The following TARBP1 variants were observed in gnomAD, a reference collection of about 807,000 sequenced individuals.
The protein encoded by TARBP1 is tRNA (guanosine(18)-2'-O)-methyltransferase TARBP1.
In TARBP1, 144 loss-of-function variants were observed where a neutral mutation model predicts 178.6. The ratio of observed to expected loss-of-function variants is 0.81; its 90% CI spans 0.70 to 0.93. The LOEUF is 0.93. Among genes scored for constraint, TARBP1 ranks in the 40% least tolerant of loss-of-function variants. The pLI is 0.00. For missense variants in TARBP1, 2,067 were observed against 2,011.7 expected (o/e 1.03, Z -0.53); for synonymous variants, 787 against 781.0 (o/e 1.01, Z -0.13).
rs148144555 is a variant in TARBP1 at position 234,414,148 on chromosome 1, G to A, written c.3706-3617C>T. 2.6e-5 allele frequency among the ~76,000 whole-genome samples: 4 copies of A among 152,286 alleles called. No individual in the cohort carries two copies. The East Asian group carries it at 5.8e-4, about 22-fold the overall frequency. On this transcript the variant is annotated intron_variant, in intron 22 of 29. Coordinates refer to ENST00000040877, the MANE Select transcript of TARBP1 (RefSeq NM_005646.4). ...ACAAAAACATGGCTTTGTGGGCCAC[G>A]CAGTCTCTGCTGCAACTGTTCAACT...
intron 6 of TARBP1, among the ~76,000 whole-genome samples, chr1:234,460,874 T>C (rs1254328332): frequency 2.0e-5 from 3 of 152,234 alleles, no homozygotes; most frequent in Non-Finnish European, 2.9e-5. Context: ...AATGAAATGC[T>C]GATACGTGCC....
intron 29 of TARBP1, among the ~76,000 whole-genome samples, chr1:234,392,050 C>T (rs1040839997): frequency 2.6e-5 from 4 of 152,188 alleles, no homozygotes; most frequent in African/African-American, 4.8e-5. Flanking sequence ...GAGCAGGAGT[C>T]AGGGTAAACT....
intron 14 of TARBP1, among the ~76,000 whole-genome samples, chr1:234,432,667 G>A (rs796903528): frequency 3.9e-5 from 6 of 152,252 alleles, no homozygotes; most frequent in Admixed American, 6.5e-5. Flanking sequence ...CATTCTCCAC[G>A]GAGGGACCAG....
At chr1:234,468,101 T>A (rs996732568) in intron 3 of TARBP1, among the ~76,000 whole-genome samples, 1 of 151,944 alleles carries the variant, frequency 6.6e-6, no homozygotes, top group African/African-American at 2.4e-5. Context: ...CATCTGAGTA[T>A]GTCAACCAAA....
chr1:234,392,399 C>G lies in TARBP1; in HGVS notation c.4697+17G>C. The G allele has an allele frequency of 3.7e-6, 6 of 1,612,250 alleles. No individual in the cohort carries two copies. Among genetic ancestry groups the G allele is most frequent in the Non-Finnish European group, 4.2e-6 (5 of 1,179,378 alleles). ...TGGGGCTCAGAGAATATACTATGGA[C>G]ACAAGAAGCTTCTTACCCCAACAAG... On this transcript the variant is annotated intron_variant, in intron 29 of 29. Transcript: ENST00000040877.
At chr1:234,470,962 A>G (rs1668991733) in intron 3 of TARBP1, among the ~76,000 whole-genome samples, 1 of 152,126 alleles carries the variant, frequency 6.6e-6, no homozygotes, top group Non-Finnish European at 1.5e-5. Flanking sequence ...GTAGATGCAT[A>G]TAGTTATTAT....
At chr1:234,416,769 G>C (rs755922959) in intron 22 of TARBP1, among the ~76,000 whole-genome samples, 5 of 152,162 alleles carry the variant, frequency 3.3e-5, no homozygotes, top group Non-Finnish European at 5.9e-5. Context: ...CATCAGAAAG[G>C]GGAGCCAATT....
chr1:234,431,250 C>T (rs138747169), intron 14 of TARBP1, among the ~76,000 whole-genome samples: 1 of 152,308 alleles, frequency 6.6e-6, no homozygotes, highest in African/African-American at 2.4e-5. Flanking sequence ...TACATATCAA[C>T]ACTGCCAACA....
chr1:234,425,521 C>T (rs1352433828), intron 20 of TARBP1, 152 bp downstream of exon 20: 2 of 849,808 alleles, frequency 2.4e-6, no homozygotes, highest in Non-Finnish European at 3.6e-6. Flanking sequence ...TGTGACCAGC[C>T]CTAATCAAGA....
chr1:234,401,983 G>A (rs990050260), intron 24 of TARBP1, among the ~76,000 whole-genome samples: 5 of 152,044 alleles, frequency 3.3e-5, no homozygotes, highest in African/African-American at 7.2e-5. Flanking sequence ...ACCCTGCCCC[G>A]CAACAGATCC....
At chr1:234,405,378 C>A (rs12137933) in intron 24 of TARBP1, 7,715 of 152,482 alleles carry the variant, frequency 0.051, 270 homozygotes, top group Middle Eastern at 0.15. Context: ...GAGAGGCAGA[C>A]ATGGGAACCA....
intron 21 of TARBP1, among the ~76,000 whole-genome samples, chr1:234,420,275 C>T (rs1442922057): frequency 6.6e-6 from 1 of 152,168 alleles, no homozygotes; most frequent in Non-Finnish European, 1.5e-5. Context: ...GGAAATCCAC[C>T]ATGTGAAACA....
chr1:234,393,755 G>T lies in TARBP1; in HGVS notation c.4326C>A (p.Ser1442=). Reference sequence around the variant, plus strand: ...GAAACAGGAGCTCCAGGTCTAAGTCGGAAACACGACTGTTCCACGGGATAA... The same window carrying T: ...GAAACAGGAGCTCCAGGTCTAAGTCTGAAACACGACTGTTCCACGGGATAA... ...KKIIPWNSRV[S]DLDLELLFQD... The change falls in exon 27 of 30, where the codon TCC becomes TCA. Residue 1442 remains serine, a synonymous_variant. Coordinates refer to ENST00000040877, the MANE Select transcript of TARBP1 (RefSeq NM_005646.4). The T allele has an allele frequency of 6.2e-7, 1 of 1,613,928 alleles. No homozygotes were observed. The highest frequency in any genetic ancestry group is 8.5e-7 in the Non-Finnish European group (1 of 1,179,996).
At chr1:234,472,589 A>G in intron 2 of TARBP1, 125 bp downstream of exon 2, 1 of 611,308 alleles carries the variant, frequency 1.6e-6, no homozygotes, top group Non-Finnish European at 2.8e-6. Flanking sequence ...ACAACAAAGT[A>G]TACTTGGATT....
intron 5 of TARBP1, among the ~76,000 whole-genome samples, chr1:234,464,252 T>G (rs924959093): frequency 6.6e-5 from 10 of 152,216 alleles, no homozygotes; most frequent in African/African-American, 9.6e-5. Context: ...GAAATGATAA[T>G]TTTAAATTAT....
chr1:234,478,219 CG>C lies in TARBP1; in HGVS notation c.884del (p.Ser295TrpfsTer32). ...AGGTGCAGTCGGCCCCCAGCTCCGCCGACACCTCCACCGCCCTCTGCAGCAG... is the reference window on the plus strand; with the variant it reads ...AGGTGCAGTCGGCCCCCAGCTCCGCCACACCTCCACCGCCCTCTGCAGCAG... ...RYLLQRAVEV[S>X]AELGADCTCG... On this transcript the variant is annotated frameshift_variant, in exon 1 of 30. Coordinates refer to ENST00000040877, the MANE Select transcript of TARBP1 (RefSeq NM_005646.4). LOFTEE classifies it high-confidence loss of function. 6.2e-7 allele frequency: 1 copy of C among 1,611,940 alleles called. No individual in the cohort carries two copies. Among genetic ancestry groups the C allele is most frequent in the Non-Finnish European group, 8.5e-7 (1 of 1,179,600 alleles).
At chr1:234,441,373 A>G (rs543493824) in intron 12 of TARBP1, among the ~76,000 whole-genome samples, 1 of 152,326 alleles carries the variant, frequency 6.6e-6, no homozygotes, top group South Asian at 2.1e-4. Context: ...TAGAATAGCT[A>G]AAAATATTTT....
chr1:234,409,128 G>A (rs569496176), intron 23 of TARBP1, among the ~76,000 whole-genome samples: 80 of 152,024 alleles, frequency 5.3e-4, no homozygotes, highest in African/African-American at 1.9e-3. Flanking sequence ...AATCAACTTG[G>A]CCTTTTCTTA....
At chr1:234,462,807 A>G (rs1668016345) in intron 6 of TARBP1, among the ~76,000 whole-genome samples, 1 of 152,092 alleles carries the variant, frequency 6.6e-6, no homozygotes, top group African/African-American at 2.4e-5. Flanking sequence ...TAAAGTCATG[A>G]TATACAGACC....
Sources: allele counts gnomAD v4.1 joint callset (sites outside exome capture counted in the v4.1 genomes callset), GRCh38; gene constraint gnomAD v4.1.1; transcripts MANE v1.5; gene names NCBI Gene and HGNC (gene_info 2026-07-23, HGNC 2026-07-21).